The following PTPN12 variants were observed in gnomAD, a reference collection of about 807,000 sequenced individuals.
The protein encoded by PTPN12 is tyrosine-protein phosphatase non-receptor type 12.
Under a neutral mutation model 97.6 loss-of-function variants are expected in PTPN12, and 29 were observed. That is an observed-to-expected ratio of 0.30 (90% confidence interval 0.22 to 0.41). The LOEUF is 0.41. Among genes scored for constraint, PTPN12 ranks in the 10% least tolerant of loss-of-function variants. The probability of loss-of-function intolerance (pLI) is 1.00; values close to 1 mark genes in which losing one functional copy is unlikely to be tolerated. For synonymous variants in PTPN12, 327 were observed against 300.4 expected, an observed-to-expected ratio of 1.09 and a Z score of -0.91; for missense variants, 819 against 926.0, an observed-to-expected ratio of 0.88 and a Z score of 1.50.
rs528150778 is a variant in PTPN12, at chr7:77,543,286, A to G, written c.99+5641A>G. On this transcript the variant is annotated intron_variant, in intron 1 of 17. Transcript: ENST00000248594. ...TTTCCATTTTTTTTAACATTTTGAA[A>G]GTAGATGGTAGGAGCTAGAGGAAGA... is the stretch of plus-strand genomic sequence containing the variant. Among the ~76,000 whole-genome samples the G allele has an allele frequency of 4.0e-4, 60 of 151,434 alleles. No homozygotes were observed. In the Middle Eastern group the frequency reaches 0.011, roughly 27 times the overall value.
intron 1 of PTPN12, among the ~76,000 whole-genome samples, chr7:77,545,004 A>G (rs147097161): frequency 2.6e-5 from 4 of 152,352 alleles, no homozygotes; most frequent in African/African-American, 9.6e-5. Context: ...TAAGAGCTAC[A>G]TTGAATTCAA....
At chr7:77,570,517 A>G (rs896714831) in intron 1 of PTPN12, among the ~76,000 whole-genome samples, 1 of 152,236 alleles carries the variant, frequency 6.6e-6, no homozygotes, top group Non-Finnish European at 1.5e-5. Flanking sequence ...CTACTGCCAT[A>G]TGTGGTAAGA....
intron 1 of PTPN12, among the ~76,000 whole-genome samples, chr7:77,539,478 C>T (rs1226696549): frequency 1.3e-5 from 2 of 152,070 alleles, no homozygotes; most frequent in Non-Finnish European, 2.9e-5. Context: ...TTTTTATTGT[C>T]TTGGTATCTT....
chr7:77,639,877 A>T lies in PTPN12; in HGVS notation c.*597A>T, dbSNP rs1320024137. On this transcript the variant is annotated 3_prime_UTR_variant, in exon 18 of 18. Transcript: ENST00000248594. ...TTATTTTTATATTATATACAGTCTAATTGTTCATCCTAATTGTTCCTGTTT... is the reference window on the plus strand; with the variant it reads ...TTATTTTTATATTATATACAGTCTATTTGTTCATCCTAATTGTTCCTGTTT... The T allele has an allele frequency of 6.6e-6, 1 of 152,638 alleles. No homozygotes were observed. The highest frequency in any genetic ancestry group is 2.4e-5 in the African/African-American group (1 of 41,450). 9.5% of individuals were successfully genotyped at this position (152,638 alleles called of 1,614,324 possible).
chr7:77,581,599 C>A, intron 3 of PTPN12, 96 bp downstream of exon 3: 2 of 584,986 alleles, frequency 3.4e-6, no homozygotes, highest in Non-Finnish European at 5.7e-6. Context: ...AACATGATAC[C>A]AACAGCAAAA....
intron 1 of PTPN12, among the ~76,000 whole-genome samples, chr7:77,538,407 G>A (rs940460100): frequency 4.3e-4 from 65 of 151,688 alleles, no homozygotes; most frequent in African/African-American, 1.6e-3. Context: ...TATTGCCGAA[G>A]GCGGAGGGGA....
At chr7:77,612,926 C>T (rs1788618867) in intron 11 of PTPN12, among the ~76,000 whole-genome samples, 1 of 151,074 alleles carries the variant, frequency 6.6e-6, no homozygotes, top group African/African-American at 2.4e-5. Context: ...CATGTATCAC[C>T]ACATCCAGCT....
chr7:77,587,197 G>A (rs1787717946), intron 5 of PTPN12, among the ~76,000 whole-genome samples: 1 of 151,994 alleles, frequency 6.6e-6, no homozygotes, highest in Non-Finnish European at 1.5e-5. Flanking sequence ...CATGATTTAT[G>A]GCAGCTTTAG....
At chr7:77,559,950 C>T (rs1807922982) in intron 1 of PTPN12, among the ~76,000 whole-genome samples, 1 of 152,132 alleles carries the variant, frequency 6.6e-6, no homozygotes, top group African/African-American at 2.4e-5. Flanking sequence ...GCAAGAATGA[C>T]AAGTACTATA....
chr7:77,553,889 C>T (rs1183605218), intron 1 of PTPN12, among the ~76,000 whole-genome samples: 1 of 144,750 alleles, frequency 6.9e-6, no homozygotes, highest in Non-Finnish European at 1.5e-5. Flanking sequence ...CTGCCTTTTG[C>T]AGTTTTAATT....
At chr7:77,583,792 C>T in intron 4 of PTPN12, 142 bp downstream of exon 4, 1 of 500,156 alleles carries the variant, frequency 2.0e-6, no homozygotes, top group Non-Finnish European at 3.4e-6. Context: ...AAAAGATGGA[C>T]CCATTTTTAG....
At chr7:77,629,700 G>T (rs912530847) in intron 13 of PTPN12, among the ~76,000 whole-genome samples, 1 of 152,042 alleles carries the variant, frequency 6.6e-6, no homozygotes, top group African/African-American at 2.4e-5. Flanking sequence ...CCAGCATTTT[G>T]GGAGGCTGAG....
intron 1 of PTPN12, 23 bp from the exon 2 acceptor site, chr7:77,571,055 A>G: frequency 6.8e-7 from 1 of 1,464,476 alleles, no homozygotes; most frequent in Non-Finnish European, 9.2e-7. Context: ...CTAAACTTTA[A>G]TTTTTATTTG....
At chr7:77,554,847 G>T (rs1807633112) in intron 1 of PTPN12, among the ~76,000 whole-genome samples, 2 of 151,410 alleles carry the variant, frequency 1.3e-5, no homozygotes, top group Non-Finnish European at 2.9e-5. Flanking sequence ...ACTCACTTAA[G>T]TTTTTTTTTG....
At chr7:77,639,018 T>C in intron 17 of PTPN12, 1 of 660,886 alleles carries the variant, frequency 1.5e-6, no homozygotes, top group Non-Finnish European at 2.3e-6. Flanking sequence ...GCATAAGATT[T>C]TTAAAAGAAG....
At chr7:77,603,192 A>G (rs117454368) in intron 8 of PTPN12, among the ~76,000 whole-genome samples, 2,790 of 152,352 alleles carry the variant, frequency 0.018, 34 homozygotes, top group Middle Eastern at 0.071. Context: ...AATATGTTTA[A>G]TTATAGAATT....
At chr7:77,628,493 T>G (rs1277725525) in intron 13 of PTPN12, among the ~76,000 whole-genome samples, 2 of 152,164 alleles carry the variant, frequency 1.3e-5, no homozygotes, top group African/African-American at 4.8e-5. Flanking sequence ...TCAGTGAACT[T>G]TGGTAGTGAC....
chr7:77,537,359 G>C lies in PTPN12; in HGVS notation c.-188G>C. On this transcript the variant is annotated 5_prime_UTR_variant, in exon 1 of 18. Coordinates refer to ENST00000248594, the MANE Select transcript of PTPN12 (RefSeq NM_002835.4). Reference sequence around the variant, plus strand: ...GGCTGCTCCTGGAAGTTGTGGTGTCGGGAGCCCAGCCGGTGCCGCCGCAGC... The same window carrying C: ...GGCTGCTCCTGGAAGTTGTGGTGTCCGGAGCCCAGCCGGTGCCGCCGCAGC... 1 of 732,502 alleles carries C rather than the reference G, an allele frequency of 1.4e-6. No individual in the cohort carries two copies. The highest frequency in any genetic ancestry group is 2.0e-6 in the Non-Finnish European group (1 of 495,990). The allele number at this position is 732,502 out of a possible 1,614,324, so 45.4% of individuals were successfully genotyped here.
At chr7:77,540,243 CT>C (rs1400336120) in intron 1 of PTPN12, among the ~76,000 whole-genome samples, 7 of 140,488 alleles carry the variant, frequency 5.0e-5, no homozygotes, top group Middle Eastern at 3.6e-3. Context: ...TTCTTTCTTT[CT>C]TTTTTTTTTG....
Sources: allele counts gnomAD v4.1 joint callset (sites outside exome capture counted in the v4.1 genomes callset), GRCh38; gene constraint gnomAD v4.1.1; transcripts MANE v1.5; gene names NCBI Gene and HGNC (gene_info 2026-07-23, HGNC 2026-07-21).